KIF1B: variants seen among roughly 807,000 people sequenced by gnomAD.
KIF1B encodes kinesin family member 1B.
Under a neutral mutation model 241.9 loss-of-function variants are expected in KIF1B, and 76 were observed. The ratio of observed to expected loss-of-function variants is 0.31; its 90% CI spans 0.26 to 0.38. KIF1B has a LOEUF of 0.38. Ranked by LOEUF, KIF1B falls within the 10% of genes least tolerant of loss-of-function variation. KIF1B has a pLI of 1.00. For synonymous variants in KIF1B, 750 were observed against 796.7 expected (o/e 0.94, Z 0.99); for missense variants, 1,622 against 2,271.4 (o/e 0.71, Z 5.81).
At position 10,365,538 on chromosome 1, in the gene KIF1B, C is replaced by G. The variant is rs1331941619; in HGVS notation, c.4642C>G (p.Gln1548Glu). 1.9e-6 allele frequency: 3 copies of G among 1,614,168 alleles called. No homozygotes were observed. The highest frequency in any genetic ancestry group is 2.5e-6 in the Non-Finnish European group (3 of 1,180,038). The change falls in exon 43 of 49, where the codon CAG becomes GAG. Residue 1548 changes from glutamine to glutamate, a missense_variant. By Grantham distance (29) the Gln-to-Glu change is conservative. This residue lies in a region of KIF1B where 357 missense variants were observed against 409.0 expected (regional missense o/e 0.87). Coordinates refer to ENST00000676179, the MANE Select transcript of KIF1B (RefSeq NM_001365951.3). The surrounding 1 kb of genome is among the most constrained non-coding windows in gnomAD (Gnocchi z 4.0). ...TLSTSTSISS[Q>E]ISTTTFESAI... is the part of the protein sequence containing the mutation. ...CAGCACCTCCACCAGTATCTCCTCT[C>G]AGATCTCAACCACTACCTTTGAAAG...
chr1:10,295,668 A>G lies in KIF1B; in HGVS notation c.1679A>G (p.Gln560Arg), dbSNP rs1650224979. ...CTTTCTCTTGTGTTCAGGGTTGGCCAAGCAGATGCTGAGCGGCGCCAGGAC... is the reference window on the plus strand; with the variant it reads ...CTTTCTCTTGTGTTCAGGGTTGGCCGAGCAGATGCTGAGCGGCGCCAGGAC... ...YIKDGITRVG[Q>R]ADAERRQDIV... The change falls in exon 19 of 49, where the codon CAA becomes CGA. Residue 560 changes from glutamine (Q) to arginine (R), a missense_variant. Around this residue, in one of 7 missense-constraint regions of KIF1B, gnomAD observed 57 missense variants for 149.0 expected, o/e 0.38. Coordinates refer to ENST00000676179, the MANE Select transcript of KIF1B (RefSeq NM_001365951.3). 1 of 1,613,592 alleles carries G rather than the reference A, an allele frequency of 6.2e-7. No individual in the cohort carries two copies. The highest frequency in any genetic ancestry group is 8.5e-7 in the Non-Finnish European group (1 of 1,179,868).
intron 22 of KIF1B, chr1:10,307,569 C>T: frequency 2.1e-6 from 2 of 935,676 alleles, no homozygotes; most frequent in South Asian, 5.0e-5. Context: ...CTTGGCCTCC[C>T]AAAGTGCTGA....
intron 38 of KIF1B, among the ~76,000 whole-genome samples, chr1:10,357,568 G>GA (rs1054297847): frequency 4.6e-4 from 68 of 147,062 alleles, no homozygotes; most frequent in Middle Eastern, 3.6e-3. Context: ...TGTCTCTAAA[G>GA]AAAAAAAAAA....
intron 5 of KIF1B, among the ~76,000 whole-genome samples, chr1:10,265,599 C>A (rs1648414288): frequency 6.6e-6 from 1 of 152,154 alleles, no homozygotes; most frequent in Non-Finnish European, 1.5e-5. Context: ...AATCCCTGCA[C>A]TTTGGGAGGC....
At chr1:10,300,619 A>G (rs1650494027) in intron 22 of KIF1B, among the ~76,000 whole-genome samples, 1 of 152,200 alleles carries the variant, frequency 6.6e-6, no homozygotes, top group Non-Finnish European at 1.5e-5. Context: ...CAATTTGAAG[A>G]GGAAAAGAAA....
chr1:10,366,065 T>C lies in KIF1B; in HGVS notation c.4752+417T>C, dbSNP rs371037873. On this transcript the variant is annotated intron_variant, in intron 43 of 48. Coordinates refer to ENST00000676179, the MANE Select transcript of KIF1B (RefSeq NM_001365951.3). ...GGCCAACATGGTGAAACCCTGTCTC[T>C]ACTAAAAATACAAAAATTAGCCAGG... Among the ~76,000 whole-genome samples the C allele has an allele frequency of 2.0e-4, 31 of 152,096 alleles. No homozygotes were observed. In the East Asian group the frequency reaches 4.5e-3, roughly 22 times the overall value.
rs1176015462 is a variant in KIF1B, at chr1:10,324,910, T to C, written c.2675+15T>C. On this transcript the variant is annotated intron_variant, in intron 26 of 48. Transcript: ENST00000676179. ...CTTGTGGGGAGGTATGTGATGATTT[T>C]GTTGATGTCTTCTTTTAAAATAATG... 8 of 1,613,790 alleles carry C rather than the reference T, an allele frequency of 5.0e-6. No homozygotes were observed. Among genetic ancestry groups the C allele is most frequent in the African/African-American group, 2.7e-5 (2 of 74,894 alleles).
chr1:10,305,170 G>C, intron 22 of KIF1B: 1 of 1,046,740 alleles, frequency 9.6e-7, no homozygotes, highest in Non-Finnish European at 1.2e-6. Flanking sequence ...AATATGATTA[G>C]AATTTTCGTA....
At chr1:10,244,520 G>A (rs1386736453) in intron 2 of KIF1B, among the ~76,000 whole-genome samples, 1 of 151,546 alleles carries the variant, frequency 6.6e-6, no homozygotes, top group Admixed American at 6.6e-5. Context: ...TCCCCATCTT[G>A]AGGCTGGTCT....
At chr1:10,300,252 T>TAATAATAATAATA (rs1267781607) in intron 22 of KIF1B, among the ~76,000 whole-genome samples, 1 of 148,124 alleles carries the variant, frequency 6.8e-6, no homozygotes, top group Non-Finnish European at 1.5e-5. Flanking sequence ...ATAATAATAA[T>TAATAATAATAATA]AATAATAATA....
chr1:10,300,237 A>AAATAATAATAATAAT (rs367822978), intron 22 of KIF1B, among the ~76,000 whole-genome samples: 16,334 of 143,722 alleles, frequency 0.11, 1,016 homozygotes, highest in Non-Finnish European at 0.14. Flanking sequence ...ACTCAGTGTC[A>AAATAATAATAATAAT]AATAATAATA....
In KIF1B at chr1:10,365,234, C is replaced by G. The variant is rs767884723; in HGVS notation, c.4501C>G (p.Leu1501Val). The change falls in exon 42 of 49, where the codon CTC becomes GTC. Residue 1501 changes from leucine to valine, a missense_variant. Transcript: ENST00000676179. This position sits in a 1 kb window ranked among gnomAD's most constrained non-coding sequence, Gnocchi z 4.0. ...CCAGTGGGAGCTGGAGAAGCTGGAG[C>G]TCCTACATGAGGTATCCAGGGGCAG... Reference protein sequence around the residue: ...EHQWELEKLELLHEVEKTRHF... With the variant: ...EHQWELEKLEVLHEVEKTRHF... 1 of 1,614,036 alleles carries G rather than the reference C, an allele frequency of 6.2e-7. No homozygotes were observed. Among genetic ancestry groups the G allele is most frequent in the Admixed American group, 1.7e-5 (1 of 60,000 alleles).
At chr1:10,373,033 T>C (rs1040375862) in intron 45 of KIF1B, among the ~76,000 whole-genome samples, 2 of 151,426 alleles carry the variant, frequency 1.3e-5, no homozygotes, top group African/African-American at 4.9e-5. Context: ...GTCAGGCTAG[T>C]CTCAAACTGC....
intron 9 of KIF1B, chr1:10,272,526 G>GT: frequency 1.6e-6 from 1 of 613,060 alleles, no homozygotes; most frequent in Non-Finnish European, 3.0e-6. Flanking sequence ...ATATAGATCT[G>GT]TAAAAACTAG....
intron 13 of KIF1B, chr1:10,278,666 A>G (rs1183110068): frequency 5.0e-5 from 9 of 180,572 alleles, no homozygotes; most frequent in South Asian, 4.6e-4. Flanking sequence ...TTCAATTCCT[A>G]TGAAGTTCAA....
chr1:10,225,864 A>G (rs977711434), intron 1 of KIF1B, among the ~76,000 whole-genome samples: 1 of 152,170 alleles, frequency 6.6e-6, no homozygotes, highest in African/African-American at 2.4e-5. Flanking sequence ...CAGGAGGGGA[A>G]CTTGGAGGAT....
intron 22 of KIF1B, among the ~76,000 whole-genome samples, chr1:10,318,808 T>C (rs1014013091): frequency 6.6e-6 from 1 of 152,202 alleles, no homozygotes; most frequent in South Asian, 2.1e-4. Context: ...AAGGTCTCTT[T>C]CTTAACCCTA....
intron 2 of KIF1B, among the ~76,000 whole-genome samples, chr1:10,237,526 C>T (rs1647072213): frequency 6.6e-6 from 1 of 152,176 alleles, no homozygotes; most frequent in South Asian, 2.1e-4. Flanking sequence ...ATTTAACAAC[C>T]TTCCTTTGCC....
chr1:10,360,867 T>C (rs1569897250), intron 38 of KIF1B, 62 bp from the exon 39 acceptor site: 5 of 1,066,552 alleles, frequency 4.7e-6, no homozygotes, highest in Non-Finnish European at 7.4e-6. Flanking sequence ...ACAGTGGCAG[T>C]ACCTGGACTA....
Sources: allele counts gnomAD v4.1 joint callset (sites outside exome capture counted in the v4.1 genomes callset), GRCh38; gene constraint gnomAD v4.1.1; regional missense constraint gnomAD v4.1.1; non-coding constraint Gnocchi (gnomAD v3.1); transcripts MANE v1.5; gene names NCBI Gene and HGNC (gene_info 2026-07-23, HGNC 2026-07-21).